The following DCBLD1 variants were observed in gnomAD, a reference collection of about 807,000 sequenced individuals.
The protein encoded by DCBLD1 is discoidin, CUB and LCCL domain containing 1.
In DCBLD1, 57 loss-of-function variants were observed where a neutral mutation model predicts 71.5. That is an observed-to-expected ratio of 0.80 (90% CI 0.64 to 0.99). The LOEUF (loss-of-function observed/expected upper bound fraction) is 0.99, where lower values mean the gene tolerates loss of function less well. Among genes scored for constraint, DCBLD1 ranks in the 50% least tolerant of loss-of-function variants. The pLI, the probability that DCBLD1 is intolerant of heterozygous loss-of-function variation, is 0.00. For synonymous variants in DCBLD1, 380 were observed against 363.8 expected (o/e 1.04, Z -0.51); for missense variants, 891 against 923.5 (o/e 0.96, Z 0.46).
At chr6:117,495,490 A>G (rs559303394) in intron 1 of DCBLD1, among the ~76,000 whole-genome samples, 40 of 152,100 alleles carry the variant, frequency 2.6e-4, no homozygotes, top group Non-Finnish European at 4.4e-4. Context: ...ATTGGGCACT[A>G]TTGTTGTCTT....
intron 6 of DCBLD1, among the ~76,000 whole-genome samples, chr6:117,533,650 T>G (rs753983130): frequency 2.6e-5 from 4 of 152,208 alleles, no homozygotes; most frequent in Admixed American, 6.5e-5. Context: ...AACTCACATA[T>G]AAACTTTGGG....
At chr6:117,490,140 A>C (rs1474548573) in intron 1 of DCBLD1, among the ~76,000 whole-genome samples, 1 of 151,682 alleles carries the variant, frequency 6.6e-6, no homozygotes, top group African/African-American at 2.4e-5. Context: ...TAGCAAATAC[A>C]TGTGTGTACA....
At chr6:117,515,534 T>C (rs1399660469) in intron 2 of DCBLD1, among the ~76,000 whole-genome samples, 1 of 152,248 alleles carries the variant, frequency 6.6e-6, no homozygotes, top group African/African-American at 2.4e-5. Context: ...CCCTCTTATC[T>C]GTGCAAAGAA....
intron 1 of DCBLD1, among the ~76,000 whole-genome samples, chr6:117,488,810 T>C (rs1777181502): frequency 6.6e-6 from 1 of 152,154 alleles, no homozygotes; most frequent in South Asian, 2.1e-4. Flanking sequence ...GCTTATACAT[T>C]TAGGGTATCA....
chr6:117,562,664 T>C (rs986433507), intron 14 of DCBLD1: 2 of 205,614 alleles, frequency 9.7e-6, no homozygotes, highest in Non-Finnish European at 1.0e-5. Context: ...TTGTACTGCA[T>C]TGAATAAAGC....
chr6:117,483,701 CTT>C (rs71717606), intron 1 of DCBLD1, among the ~76,000 whole-genome samples: 1 of 146,560 alleles, frequency 6.8e-6, no homozygotes. Flanking sequence ...TTAATTAGTG[CTT>C]TTTTTTTTTT....
intron 1 of DCBLD1, among the ~76,000 whole-genome samples, chr6:117,485,279 G>A (rs1299084350): frequency 2.0e-5 from 3 of 152,192 alleles, no homozygotes; most frequent in African/African-American, 4.8e-5. Flanking sequence ...ATTAGCTAAA[G>A]TATTCCCTTG....
intron 1 of DCBLD1, among the ~76,000 whole-genome samples, chr6:117,487,698 T>C (rs1173797226): frequency 2.0e-5 from 3 of 152,126 alleles, no homozygotes; most frequent in Admixed American, 6.6e-5. Flanking sequence ...CAATGTTGAA[T>C]GTAAAAGTCT....
intron 6 of DCBLD1, among the ~76,000 whole-genome samples, chr6:117,536,067 T>C (rs993532199): frequency 5.3e-5 from 8 of 152,224 alleles, no homozygotes; most frequent in African/African-American, 1.9e-4. Context: ...TAGAGAGTTT[T>C]ACTACCCATT....
At chr6:117,512,747 A>G (rs530548308) in intron 2 of DCBLD1, among the ~76,000 whole-genome samples, 2 of 152,248 alleles carry the variant, frequency 1.3e-5, no homozygotes, top group Admixed American at 1.3e-4. Flanking sequence ...GCTTCAGATG[A>G]TGCTCCAGAA....
intron 1 of DCBLD1, among the ~76,000 whole-genome samples, chr6:117,485,934 A>G (rs1321752792): frequency 1.3e-5 from 2 of 152,222 alleles, no homozygotes; most frequent in African/African-American, 4.8e-5. Flanking sequence ...GCTCTAGTAG[A>G]TATAATTTGT....
At chr6:117,568,522 G>A (rs1779743803) in intron 14 of DCBLD1, among the ~76,000 whole-genome samples, 1 of 152,212 alleles carries the variant, frequency 6.6e-6, no homozygotes, top group South Asian at 2.1e-4. Flanking sequence ...GCTACTGGAT[G>A]ACAGTCAAGA....
At chr6:117,532,106 AGT>A (rs1778742770) in intron 5 of DCBLD1, among the ~76,000 whole-genome samples, 152 bp from the exon 6 acceptor site, 2 of 152,236 alleles carry the variant, frequency 1.3e-5, no homozygotes, top group African/African-American at 4.8e-5. Flanking sequence ...GTCCAGAGTC[AGT>A]GAGGGAGGTG....
intron 14 of DCBLD1, among the ~76,000 whole-genome samples, chr6:117,569,327 C>T (rs1380693565): frequency 6.6e-6 from 1 of 152,184 alleles, no homozygotes; most frequent in Non-Finnish European, 1.5e-5. Flanking sequence ...CCCTCCCACA[C>T]AGGTGAGGAC....
rs866356378 is a variant in DCBLD1 at position 117,563,421 on chromosome 6, G to T, written c.1616-6199G>T. On this transcript the variant is annotated intron_variant, in intron 14 of 14. Coordinates refer to the DCBLD1 transcript ENST00000296955. Reference sequence around the variant, plus strand: ...GAGAAAAAAAAAGCAGACACTTTCTGGTTTAAAAAGTTGGTTTTGGTCAGG... The same window carrying T: ...GAGAAAAAAAAAGCAGACACTTTCTTGTTTAAAAAGTTGGTTTTGGTCAGG... 8 of 1,607,612 alleles carry T rather than the reference G, an allele frequency of 5.0e-6. No homozygotes were observed. In the Middle Eastern group the frequency reaches 5.0e-4, roughly 100 times the overall value.
chr6:117,558,442 T>A (rs1379235641), intron 14 of DCBLD1, among the ~76,000 whole-genome samples: 1 of 152,186 alleles, frequency 6.6e-6, no homozygotes, highest in Non-Finnish European at 1.5e-5. Context: ...TTTTCCAATT[T>A]AATAATTTTT....
Position 117,548,147 on chromosome 6 carries a change from G to C in DCBLD1, c.1856G>C (p.Ser619Thr). The C allele has an allele frequency of 6.5e-7, 1 of 1,550,114 alleles. No homozygotes were observed. The highest frequency in any genetic ancestry group is 8.7e-7 in the Non-Finnish European group (1 of 1,146,772). Residue 619 changes from serine (S) to threonine (T), a missense_variant, in exon 15 of 15, where the codon AGC (serine) becomes ACC (threonine). Coordinates refer to ENST00000338728, the MANE Select transcript of DCBLD1 (RefSeq NM_001366458.2). ...CGCGCCCACACGTTCTCTGCGCAGAGCGGCTACCGCGTCCCAGGGCCCCAG... is the reference window on the plus strand; with the variant it reads ...CGCGCCCACACGTTCTCTGCGCAGACCGGCTACCGCGTCCCAGGGCCCCAG... ...VLRAHTFSAQSGYRVPGPQPG... is the reference protein window; with the variant it reads ...VLRAHTFSAQTGYRVPGPQPG...
chr6:117,548,206 T>C lies in DCBLD1; in HGVS notation c.1915T>C (p.Phe639Leu). ...CAAACACTCCCTCTCCTCGGGCGGCTTCTCCCCCGTAGCGGGTGTGGGCGC... is the reference window on the plus strand; with the variant it reads ...CAAACACTCCCTCTCCTCGGGCGGCCTCTCCCCCGTAGCGGGTGTGGGCGC... Reference protein sequence around the residue: ...GHKHSLSSGGFSPVAGVGAQD... With the variant: ...GHKHSLSSGGLSPVAGVGAQD... Residue 639 changes from phenylalanine to leucine, a missense_variant, in exon 15 of 15, where the codon TTC (phenylalanine) becomes CTC (leucine). By Grantham distance (22) the Phe-to-Leu change is conservative. Transcript: ENST00000338728. 2 of 1,550,464 alleles carry C rather than the reference T, an allele frequency of 1.3e-6. No homozygotes were observed. Among genetic ancestry groups the C allele is most frequent in the South Asian group, 1.2e-5 (1 of 84,052 alleles).
downstream of DCBLD1, among the ~76,000 whole-genome samples, chr6:117,554,682 C>G (rs533390507): frequency 2.8e-4 from 43 of 152,178 alleles, no homozygotes; most frequent in African/African-American, 8.4e-4. Flanking sequence ...ATCATGAGGT[C>G]AAGAGATCGA....
Sources: allele counts gnomAD v4.1 joint callset (sites outside exome capture counted in the v4.1 genomes callset), GRCh38; gene constraint gnomAD v4.1.1; transcripts MANE v1.5; gene names NCBI Gene and HGNC (gene_info 2026-07-23, HGNC 2026-07-21).